The following EYS variants were observed in gnomAD, a reference collection of about 807,000 sequenced individuals.
EYS encodes protein eyes shut homolog.
Under a neutral mutation model 282.1 loss-of-function variants are expected in EYS, and 250 were observed. That is an observed-to-expected ratio of 0.89 (90% CI 0.80 to 0.98). The LOEUF is 0.98. Ranked by LOEUF, EYS falls within the 50% of genes least tolerant of loss-of-function variation. The pLI, the probability that EYS is intolerant of heterozygous loss-of-function variation, is 0.00. For synonymous variants in EYS, 1,355 were observed against 1,282.9 expected, an observed-to-expected ratio of 1.06 and a Z score of -1.20; for missense variants, 4,016 against 3,709.0, an observed-to-expected ratio of 1.08 and a Z score of -2.15.
intron 1 of EYS, among the ~76,000 whole-genome samples, chr6:65,649,810 T>C (rs1390048805): frequency 2.0e-5 from 3 of 152,108 alleles, no homozygotes; most frequent in Non-Finnish European, 2.9e-5. Flanking sequence ...AGTGGTAAAA[T>C]GACACAGAGG....
intron 14 of EYS, among the ~76,000 whole-genome samples, chr6:64,963,369 T>C (rs1436527174): frequency 6.6e-6 from 1 of 152,194 alleles, no homozygotes; most frequent in East Asian, 1.9e-4. Context: ...TCATTAGCCA[T>C]AGGAATGGCA....
intron 5 of EYS, among the ~76,000 whole-genome samples, chr6:65,439,215 C>A (rs1562182091): frequency 1.3e-5 from 2 of 152,074 alleles, no homozygotes; most frequent in Admixed American, 1.3e-4. Flanking sequence ...TGGTCTATAT[C>A]TCTGTTTTGG....
At chr6:64,645,259 G>C (rs1278826134) in intron 22 of EYS, among the ~76,000 whole-genome samples, 1 of 152,192 alleles carries the variant, frequency 6.6e-6, no homozygotes, top group Admixed American at 6.5e-5. Flanking sequence ...AGACACTGGA[G>C]CAGTCTCGTG....
intron 15 of EYS, among the ~76,000 whole-genome samples, chr6:64,937,786 T>C (rs1028942957): frequency 6.6e-6 from 1 of 151,670 alleles, no homozygotes; most frequent in African/African-American, 2.4e-5. Context: ...TCTAGTTTTA[T>C]ATGAAAAATA....
chr6:64,012,718 T>C (rs1768697700), intron 33 of EYS, among the ~76,000 whole-genome samples: 2 of 152,090 alleles, frequency 1.3e-5, no homozygotes, highest in African/African-American at 4.8e-5. Context: ...TACAGCCCTA[T>C]CAACACAGCC....
At chr6:64,772,391 T>C (rs1773551706) in intron 22 of EYS, among the ~76,000 whole-genome samples, 1 of 151,790 alleles carries the variant, frequency 6.6e-6, no homozygotes, top group South Asian at 2.1e-4. Flanking sequence ...ATAGTTTTTG[T>C]ATACATTTAT....
chr6:65,672,999 G>T (rs976971426), intron 1 of EYS, among the ~76,000 whole-genome samples: 1 of 151,994 alleles, frequency 6.6e-6, no homozygotes, highest in Non-Finnish European at 1.5e-5. Flanking sequence ...TCTGAGCCAG[G>T]AGAAGGAATT....
intron 26 of EYS, among the ~76,000 whole-genome samples, chr6:64,454,919 G>GC (rs1775504829): frequency 2.0e-5 from 3 of 152,226 alleles, no homozygotes; most frequent in South Asian, 2.1e-4. Flanking sequence ...TTCATAAAGA[G>GC]CATGTGCTTA....
intron 22 of EYS, among the ~76,000 whole-genome samples, chr6:64,652,871 C>T (rs1373167752): frequency 6.6e-6 from 1 of 151,914 alleles, no homozygotes; most frequent in Non-Finnish European, 1.5e-5. Context: ...TATAAAATTC[C>T]GTGTGTGTGT....
In EYS at chr6:63,762,618, A is replaced by G; in HGVS notation, c.7914T>C (p.Thr2638=). The G allele has an allele frequency of 6.5e-7, 1 of 1,549,960 alleles. No individual in the cohort carries two copies. The highest frequency in any genetic ancestry group is 8.7e-7 in the Non-Finnish European group (1 of 1,145,914). The change falls in exon 41 of 43, where the codon ACT becomes ACC. Residue 2638 remains threonine (T), a synonymous_variant. Transcript: ENST00000503581. ...SGTSVYCNCT[T]GWKGSFCTET... ...CTGTGCAGAATGATCCTTTCCACCC[A>G]GTGGTACAATTGCAGCTGTGGGTTG... is the stretch of plus-strand genomic sequence containing the variant.
At chr6:64,782,053 G>A (rs75521625) in intron 22 of EYS, among the ~76,000 whole-genome samples, 3,128 of 152,114 alleles carry the variant, frequency 0.021, 110 homozygotes, top group African/African-American at 0.071. Flanking sequence ...GTTTTGTCTT[G>A]TTGACTGCCC....
intron 13 of EYS, among the ~76,000 whole-genome samples, chr6:65,013,712 G>T (rs191659764): frequency 1.1e-4 from 16 of 152,122 alleles, no homozygotes; most frequent in Admixed American, 9.2e-4. Context: ...CCCTAGAGGT[G>T]GTGAAGAGAT....
intron 1 of EYS, among the ~76,000 whole-genome samples, chr6:65,690,887 C>G (rs527492079): frequency 2.0e-5 from 3 of 150,184 alleles, no homozygotes; most frequent in African/African-American, 7.3e-5. Flanking sequence ...CCAGCTTCAA[C>G]CATGTCCCCA....
At chr6:64,906,224 A>G (rs1050347779) in intron 16 of EYS, among the ~76,000 whole-genome samples, 1 of 151,740 alleles carries the variant, frequency 6.6e-6, no homozygotes, top group Non-Finnish European at 1.5e-5. Flanking sequence ...TACAGAATTA[A>G]TATTTCCAAT....
chr6:64,502,468 G>A (rs1047376543), intron 26 of EYS, among the ~76,000 whole-genome samples: 5 of 152,080 alleles, frequency 3.3e-5, no homozygotes, highest in East Asian at 1.9e-4. Context: ...TGATCCGCCC[G>A]CCTCGGCCTC....
chr6:64,250,350 C>A (rs1767168006), intron 30 of EYS, among the ~76,000 whole-genome samples: 1 of 152,162 alleles, frequency 6.6e-6, no homozygotes, highest in African/African-American at 2.4e-5. Flanking sequence ...ACCCTCAATA[C>A]CATTTTTCAC....
At chr6:65,653,091 T>C (rs115965352) in intron 1 of EYS, among the ~76,000 whole-genome samples, 1 of 151,970 alleles carries the variant, frequency 6.6e-6, no homozygotes, top group African/African-American at 2.4e-5. Context: ...CCACAAAGGA[T>C]ACACAGATTC....
chr6:64,709,224 A>G (rs947001157), intron 22 of EYS, among the ~76,000 whole-genome samples: 2 of 152,176 alleles, frequency 1.3e-5, no homozygotes, highest in Non-Finnish European at 2.9e-5. Context: ...AACTTATACC[A>G]TCTCATTTGA....
chr6:64,307,170 G>A, intron 29 of EYS, 88 bp from the exon 30 acceptor site: 1 of 659,144 alleles, frequency 1.5e-6, no homozygotes. Context: ...GTCAGGGTAT[G>A]CAACTGGATT....
Sources: allele counts gnomAD v4.1 joint callset (sites outside exome capture counted in the v4.1 genomes callset), GRCh38; gene constraint gnomAD v4.1.1; transcripts MANE v1.5; gene names NCBI Gene and HGNC (gene_info 2026-07-23, HGNC 2026-07-21).